TMEM117: variants seen among roughly 807,000 people sequenced by gnomAD.
TMEM117 encodes the protein transmembrane protein 117.
A neutral mutation model predicts 52.4 loss-of-function variants in TMEM117; 27 were observed. That is an observed-to-expected ratio of 0.51 (90% confidence interval 0.38 to 0.71). The LOEUF (loss-of-function observed/expected upper bound fraction) is 0.71. Among genes scored for constraint, TMEM117 ranks in the 30% least tolerant of loss-of-function variants. TMEM117 has a pLI of 0.00. For synonymous variants in TMEM117, 215 were observed against 206.3 expected (o/e 1.04, Z -0.36); for missense variants, 556 against 630.5 (o/e 0.88, Z 1.26).
Position 44,236,951 on chromosome 12 carries a change from C to T in TMEM117, c.608+25564C>T, listed in dbSNP as rs188450570. 1.4e-3 allele frequency among the ~76,000 whole-genome samples: 212 copies of T among 152,088 alleles called. 3 individuals are homozygous for T. The highest frequency in any genetic ancestry group is 1.2e-3 in the South Asian group (6 of 4,822). On this transcript the variant is annotated intron_variant, in intron 5 of 7. Coordinates refer to ENST00000266534, the MANE Select transcript of TMEM117 (RefSeq NM_032256.3). ...AGTCAGGAAGGAATTATCAGAGCCC[C>T]TACCCTTGTGGATAATTCAGCTTTC...
At chr12:44,270,972 G>C (rs1438666772) in intron 5 of TMEM117, among the ~76,000 whole-genome samples, 2 of 152,034 alleles carry the variant, frequency 1.3e-5, no homozygotes, top group African/African-American at 2.4e-5. Context: ...ACATTAAAAA[G>C]ATCACTTGTG....
intron 6 of TMEM117, among the ~76,000 whole-genome samples, chr12:44,358,813 C>T (rs576391955): frequency 1.3e-5 from 2 of 152,200 alleles, no homozygotes; most frequent in African/African-American, 4.8e-5. Context: ...AACCTCCTCC[C>T]ACTCCTGGGA....
chr12:44,122,234 C>T (rs138149616), intron 3 of TMEM117, among the ~76,000 whole-genome samples: 2,403 of 151,686 alleles, frequency 0.016, 64 homozygotes, highest in African/African-American at 0.054. Flanking sequence ...TTAGTAGAGA[C>T]GGGGTTTCAC....
rs1453887648 is a variant in TMEM117 at position 44,388,641 on chromosome 12, C to A, written c.1514C>A (p.Pro505Gln). 8.1e-6 allele frequency: 13 copies of A among 1,613,108 alleles called. No individual in the cohort carries two copies. The highest frequency in any genetic ancestry group is 1.1e-5 in the Non-Finnish European group (13 of 1,179,430). The change falls in exon 8 of 8, where the codon CCA becomes CAA. Residue 505 changes from proline to glutamine, a missense_variant. Pro to Gln is a moderately conservative substitution (Grantham distance 76, BLOSUM62 -1). Coordinates refer to ENST00000266534, the MANE Select transcript of TMEM117 (RefSeq NM_032256.3). ...STSATEADQDPTTSKSTPTN is the reference protein window; with the variant it reads ...STSATEADQDQTTSKSTPTN ...AGTGCAACAGAAGCTGATCAAGACC[C>A]AACGACTTCTAAAAGTACACCTACG...
At chr12:43,947,753 T>C (rs976951091) in intron 3 of TMEM117, among the ~76,000 whole-genome samples, 1 of 152,202 alleles carries the variant, frequency 6.6e-6, no homozygotes, top group Non-Finnish European at 1.5e-5. Flanking sequence ...CCTAGAATTA[T>C]TTCCAAAACA....
intron 3 of TMEM117, among the ~76,000 whole-genome samples, chr12:44,131,728 C>G (rs1416867268): frequency 6.6e-6 from 1 of 152,086 alleles, no homozygotes; most frequent in East Asian, 1.9e-4. Flanking sequence ...TATAATAATA[C>G]TATTCACCTT....
At chr12:44,030,712 C>T (rs911541558) in intron 3 of TMEM117, among the ~76,000 whole-genome samples, 4 of 152,188 alleles carry the variant, frequency 2.6e-5, no homozygotes, top group African/African-American at 9.7e-5. Flanking sequence ...TATCCTACTG[C>T]TCAAGGTCAA....
At chr12:44,210,263 T>C (rs1592608528) in intron 4 of TMEM117, among the ~76,000 whole-genome samples, 1 of 152,252 alleles carries the variant, frequency 6.6e-6, no homozygotes, top group African/African-American at 2.4e-5. Flanking sequence ...AATGTGCATG[T>C]GTATAACATA....
At chr12:43,857,425 T>C (rs1048027256) in intron 2 of TMEM117, among the ~76,000 whole-genome samples, 1 of 151,616 alleles carries the variant, frequency 6.6e-6, no homozygotes, top group African/African-American at 2.4e-5. Flanking sequence ...TTCCTACCCA[T>C]GGGAGGTAAT....
At chr12:44,117,761 C>A (rs922313073) in intron 3 of TMEM117, among the ~76,000 whole-genome samples, 1 of 151,586 alleles carries the variant, frequency 6.6e-6, no homozygotes, top group African/African-American at 2.4e-5. Flanking sequence ...TTGTGGTCAG[C>A]CATTATTGTT....
At chr12:43,975,842 G>A (rs774590169) in intron 3 of TMEM117, among the ~76,000 whole-genome samples, 19 of 152,132 alleles carry the variant, frequency 1.2e-4, no homozygotes, top group Admixed American at 7.2e-4. Flanking sequence ...GGACTAAAAA[G>A]CAGAAAGCAT....
At chr12:44,180,250 C>G (rs998488019) in intron 4 of TMEM117, among the ~76,000 whole-genome samples, 1 of 152,092 alleles carries the variant, frequency 6.6e-6, no homozygotes, top group African/African-American at 2.4e-5. Context: ...TCGTCATCAT[C>G]ATCATCATTA....
chr12:43,907,169 C>T (rs1188770094), intron 2 of TMEM117, among the ~76,000 whole-genome samples: 4 of 152,210 alleles, frequency 2.6e-5, no homozygotes, highest in Admixed American at 6.5e-5. Context: ...AGACTGCCCC[C>T]TCAAGTGGGT....
intron 5 of TMEM117, among the ~76,000 whole-genome samples, chr12:44,280,653 T>G (rs1038659016): frequency 6.6e-6 from 1 of 152,192 alleles, no homozygotes. Context: ...GTCATTCCCA[T>G]GTCTCTATAT....
chr12:43,798,114 G>A, the TMEM117 span, among the ~76,000 whole-genome samples: 1 of 152,056 alleles, frequency 6.6e-6, no homozygotes, highest in Non-Finnish European at 1.5e-5. Flanking sequence ...AATTTCTTTA[G>A]AGTGTCATCA....
intron 5 of TMEM117, among the ~76,000 whole-genome samples, chr12:44,237,399 C>A (rs1323066500): frequency 6.6e-6 from 1 of 151,886 alleles, no homozygotes; most frequent in Non-Finnish European, 1.5e-5. Context: ...TTTATATACC[C>A]CCCATTAGTC....
chr12:44,099,991 A>G (rs74433242), intron 3 of TMEM117, among the ~76,000 whole-genome samples: 6,814 of 151,978 alleles, frequency 0.045, 518 homozygotes, highest in African/African-American at 0.16. Flanking sequence ...CAGACTAAAA[A>G]AAAGCCTTTG....
chr12:44,310,761 A>G (rs951869460), intron 6 of TMEM117, among the ~76,000 whole-genome samples: 3 of 152,120 alleles, frequency 2.0e-5, no homozygotes, highest in Non-Finnish European at 4.4e-5. Context: ...TGTTCCTTTA[A>G]ATCATTACAG....
intron 6 of TMEM117, among the ~76,000 whole-genome samples, chr12:44,361,171 T>G (rs1198553531): frequency 6.6e-6 from 1 of 152,198 alleles, no homozygotes; most frequent in Admixed American, 6.5e-5. Flanking sequence ...ATTTGGTCTC[T>G]GTTTAAAACT....
Sources: gnomAD v4.1 joint callset for allele counts (sites outside exome capture counted in the v4.1 genomes callset) on GRCh38, gnomAD v4.1.1 for gene constraint, MANE v1.5 for transcripts, NCBI Gene and HGNC (gene_info 2026-07-23, HGNC 2026-07-21) for gene names.